Variants in ARID4A observed in about 807,000 individuals in gnomAD.
The protein encoded by ARID4A is AT-rich interactive domain-containing protein 4A.
In ARID4A, 39 loss-of-function variants were observed where a neutral mutation model predicts 148.6. The observed-to-expected ratio is 0.26, with a 90% CI of 0.20 to 0.34. The LOEUF (loss-of-function observed/expected upper bound fraction) is 0.34, where lower values mean the gene tolerates loss of function less well. Among genes scored for constraint, ARID4A ranks in the 10% least tolerant of loss-of-function variants. The pLI is 1.00. For missense variants in ARID4A, 1,265 were observed against 1,449.1 expected (o/e 0.87, Z 2.06); for synonymous variants, 475 against 481.2 (o/e 0.99, Z 0.17).
rs773910439 is a variant in ARID4A, at chr14:58,323,610, C to T, written c.575C>T (p.Pro192Leu). 4.3e-6 allele frequency: 7 copies of T among 1,612,664 alleles called. No homozygotes were observed. The South Asian group carries it at 7.7e-5, about 18-fold the overall frequency. The change falls in exon 8 of 24, where the codon CCT becomes CTT. Residue 192 changes from proline to leucine, a missense_variant. Coordinates refer to ENST00000355431, the MANE Select transcript of ARID4A (RefSeq NM_002892.4). The part of the protein sequence containing the change: ...VSATERTEWY[P>L]ALVISPSCND... ...GCAACGGAGAGGACTGAATGGTATC[C>T]TGCTTTGGTAAGTAAAGTTTCTTTG... is the stretch of plus-strand genomic sequence containing the variant.
At chr14:58,336,188 T>C (rs1448324420) in intron 11 of ARID4A, among the ~76,000 whole-genome samples, 1 of 152,234 alleles carries the variant, frequency 6.6e-6, no homozygotes, top group Non-Finnish European at 1.5e-5. Flanking sequence ...TTTAATGTAA[T>C]ATTTACTCAA....
Position 58,357,257 on chromosome 14 carries a change from G to C in ARID4A, c.1854-1875G>C, listed in dbSNP as rs540048976. On this transcript the variant is annotated intron_variant, in intron 17 of 23. Transcript: ENST00000355431. ...TAAGCTAAGCTGTGATGTTCAGTAG[G>C]CTAGATGTATTAAATGCATTTTTCG... Among the ~76,000 whole-genome samples the C allele has an allele frequency of 3.3e-5, 5 of 152,294 alleles. No homozygotes were observed. The South Asian group carries it at 8.3e-4, about 25-fold the overall frequency.
intron 3 of ARID4A, chr14:58,303,727 C>G: frequency 3.6e-6 from 1 of 279,566 alleles, no homozygotes; most frequent in Non-Finnish European, 7.8e-6. Context: ...GCAAATTTTC[C>G]CCACCCCAGA....
intron 11 of ARID4A, among the ~76,000 whole-genome samples, chr14:58,338,331 A>C (rs932306501): frequency 2.6e-5 from 4 of 152,186 alleles, no homozygotes; most frequent in African/African-American, 9.7e-5. Flanking sequence ...TAAATTTAAA[A>C]TTTTATACAA....
At chr14:58,362,282 T>G (rs1488173676) in intron 19 of ARID4A, among the ~76,000 whole-genome samples, 1 of 152,144 alleles carries the variant, frequency 6.6e-6, no homozygotes, top group African/African-American at 2.4e-5. Flanking sequence ...CTCTGTATAC[T>G]TTTAAATGTA....
chr14:58,365,027 G>T lies in ARID4A; in HGVS notation c.2938G>T (p.Val980Phe), dbSNP rs1405475070. The T allele has an allele frequency of 6.8e-6, 11 of 1,614,050 alleles. No homozygotes were observed. Among genetic ancestry groups the T allele is most frequent in the East Asian group, 4.5e-5 (2 of 44,894 alleles). Residue 980 changes from valine (V) to phenylalanine (F), a missense_variant, in exon 20 of 24, where the codon GTT (valine) becomes TTT (phenylalanine). Val to Phe is a conservative substitution (Grantham distance 50, BLOSUM62 -1). Around this residue, in one of 9 missense-constraint regions of ARID4A, gnomAD observed 666 missense variants for 730.9 expected, o/e 0.91. Coordinates refer to ENST00000355431, the MANE Select transcript of ARID4A (RefSeq NM_002892.4). ...TAAGACCAGCATTGAGGATGTAGCAGTTGAAAGCTCTGAGTCTAACTCTCT... is the reference window on the plus strand; with the variant it reads ...TAAGACCAGCATTGAGGATGTAGCATTTGAAAGCTCTGAGTCTAACTCTCT... ...KDKTSIEDVA[V>F]ESSESNSLVS...
chr14:58,363,883 C>T (rs1411584837), intron 19 of ARID4A, among the ~76,000 whole-genome samples: 1 of 151,950 alleles, frequency 6.6e-6, no homozygotes, highest in East Asian at 1.9e-4. Context: ...TTTTTAAGGA[C>T]TATTGTACCT....
At chr14:58,312,053 A>G (rs560892307) in intron 5 of ARID4A, among the ~76,000 whole-genome samples, 1 of 152,152 alleles carries the variant, frequency 6.6e-6, no homozygotes, top group Non-Finnish European at 1.5e-5. Flanking sequence ...AATGTATTGC[A>G]TACTTGAAAA....
intron 16 of ARID4A, 130 bp from the exon 17 acceptor site, chr14:58,353,528 T>C (rs1024576814): frequency 4.0e-6 from 3 of 753,316 alleles, no homozygotes; most frequent in Non-Finnish European, 4.2e-6. Context: ...TCCTCCTTCT[T>C]CTCCTCCTCC....
At chr14:58,303,074 A>T (rs564607086) in intron 3 of ARID4A, among the ~76,000 whole-genome samples, 1 of 152,098 alleles carries the variant, frequency 6.6e-6, no homozygotes, top group East Asian at 1.9e-4. Context: ...GTTACTTTAT[A>T]CTTAGATACC....
chr14:58,364,445 G>A lies in ARID4A; in HGVS notation c.2356G>A (p.Ala786Thr). ...AAAAACAGAAGAAGTTAAGAAAGAA[G>A]CCGAAAAATCTCCAAAAGGAAAGGG... ...MEKTEEVKKE[A>T]EKSPKGKGRR... Residue 786 changes from alanine to threonine, a missense_variant, in exon 20 of 24, where the codon GCC (alanine) becomes ACC (threonine). Coordinates refer to ENST00000355431, the MANE Select transcript of ARID4A (RefSeq NM_002892.4). 6.2e-7 allele frequency: 1 copy of A among 1,613,176 alleles called. No individual in the cohort carries two copies. Among genetic ancestry groups the A allele is most frequent in the Non-Finnish European group, 8.5e-7 (1 of 1,179,856 alleles).
At position 58,346,454 on chromosome 14, in the gene ARID4A, C is replaced by G; in HGVS notation, c.1023C>G (p.Leu341=). The G allele has an allele frequency of 6.2e-7, 1 of 1,610,516 alleles. No homozygotes were observed. The highest frequency in any genetic ancestry group is 8.5e-7 in the Non-Finnish European group (1 of 1,178,090). The change falls in exon 13 of 24, where the codon CTC becomes CTG. Residue 341 remains leucine (L), a synonymous_variant. Coordinates refer to ENST00000355431, the MANE Select transcript of ARID4A (RefSeq NM_002892.4). ...NKPPVLGYKD[L]NLFKLFRLVY... is the part of the protein sequence containing the mutation. Reference sequence around the variant, plus strand: ...CACCTGTTTTGGGCTATAAAGATCTCAATCTCTTCAAACTCTTCAGACTGG... The same window carrying G: ...CACCTGTTTTGGGCTATAAAGATCTGAATCTCTTCAAACTCTTCAGACTGG...
chr14:58,331,090 G>C lies in ARID4A; in HGVS notation c.906+921G>C, dbSNP rs367645038. Among the ~76,000 whole-genome samples, 4 of 152,320 alleles carry C rather than the reference G, an allele frequency of 2.6e-5. 1 individual carries two copies. The stretch of plus-strand genomic sequence containing the variant: ...GAATTTATGAAATGAAACGAGTATA[G>C]TCATATGTAATGAAGGGCATACGCT... On this transcript the variant is annotated intron_variant, in intron 11 of 23. Coordinates refer to ENST00000355431, the MANE Select transcript of ARID4A (RefSeq NM_002892.4).
chr14:58,364,925 G>C lies in ARID4A; in HGVS notation c.2836G>C (p.Glu946Gln), dbSNP rs61741150. Reference protein sequence around the residue: ...ETVNIPLKEDEDAMPLIGPET... With the variant: ...ETVNIPLKEDQDAMPLIGPET... ...TGTAAATATTCCACTAAAAGAAGATGAGGATGCAATGCCTCTGATCGGGCC... is the reference window on the plus strand; with the variant it reads ...TGTAAATATTCCACTAAAAGAAGATCAGGATGCAATGCCTCTGATCGGGCC... The change falls in exon 20 of 24, where the codon GAG becomes CAG. Residue 946 changes from glutamate to glutamine, a missense_variant. Around this residue, in one of 9 missense-constraint regions of ARID4A, gnomAD observed 666 missense variants for 730.9 expected, o/e 0.91. Coordinates refer to ENST00000355431, the MANE Select transcript of ARID4A (RefSeq NM_002892.4). 1 of 1,614,142 alleles carries C rather than the reference G, an allele frequency of 6.2e-7. No individual in the cohort carries two copies.
intron 16 of ARID4A, among the ~76,000 whole-genome samples, chr14:58,353,112 C>CA (rs1490675445): frequency 1.3e-5 from 2 of 151,906 alleles, no homozygotes; most frequent in Admixed American, 6.6e-5. Context: ...TTTTGCCCAC[C>CA]AAAAAAACTA....
At chr14:58,328,497 A>G (rs1017360749) in intron 9 of ARID4A, among the ~76,000 whole-genome samples, 181 bp downstream of exon 9, 1 of 152,176 alleles carries the variant, frequency 6.6e-6, no homozygotes, top group Non-Finnish European at 1.5e-5. Context: ...AATAAATTTT[A>G]TATAAAAAAT....
intron 15 of ARID4A, among the ~76,000 whole-genome samples, chr14:58,350,016 C>T (rs374986519): frequency 2.0e-5 from 3 of 148,606 alleles, no homozygotes; most frequent in East Asian, 4.1e-4. Flanking sequence ...GGCTGAGAAT[C>T]GCTTGAACCT....
chr14:58,336,928 G>A (rs773996127), intron 11 of ARID4A, among the ~76,000 whole-genome samples: 13 of 148,820 alleles, frequency 8.7e-5, no homozygotes, highest in Non-Finnish European at 5.9e-5. Context: ...GTCTCACTCC[G>A]TCACTCAGAC....
At chr14:58,361,406 A>T (rs1417932155) in intron 19 of ARID4A, among the ~76,000 whole-genome samples, 1 of 152,234 alleles carries the variant, frequency 6.6e-6, no homozygotes, top group African/African-American at 2.4e-5. Flanking sequence ...TATTTGAACC[A>T]TCAGAAATCA....
Sources: gnomAD v4.1 joint callset for allele counts (sites outside exome capture counted in the v4.1 genomes callset) on GRCh38, gnomAD v4.1.1 for gene constraint, gnomAD v4.1.1 regional missense constraint, MANE v1.5 for transcripts, NCBI Gene and HGNC (gene_info 2026-07-23, HGNC 2026-07-21) for gene names.